CACNA2D1: variants seen among roughly 807,000 people sequenced by gnomAD.
CACNA2D1 encodes the protein calcium voltage-gated channel auxiliary subunit alpha2delta 1, also known as voltage-dependent calcium channel subunit alpha-2/delta-1.
In CACNA2D1, 53 loss-of-function variants were observed where a neutral mutation model predicts 171.5. That is an observed-to-expected ratio of 0.31 (90% CI 0.25 to 0.39). The LOEUF (loss-of-function observed/expected upper bound fraction) is 0.39, where lower values mean the gene tolerates loss of function less well. Among genes scored for constraint, CACNA2D1 ranks in the 10% least tolerant of loss-of-function variants. The pLI, the probability that CACNA2D1 is intolerant of heterozygous loss-of-function variation, is 1.00. For synonymous variants in CACNA2D1, 442 were observed against 443.1 expected, an observed-to-expected ratio of 1.00 and a Z score of 0.03; for missense variants, 903 against 1,299.8, an observed-to-expected ratio of 0.69 and a Z score of 4.69.
At chr7:82,301,381 TC>T (rs1245856271) in intron 3 of CACNA2D1, among the ~76,000 whole-genome samples, 1 of 152,150 alleles carries the variant, frequency 6.6e-6, no homozygotes, top group Non-Finnish European at 1.5e-5. Context: ...TGCCTCAGCC[TC>T]CCAAAGTGCT....
intron 6 of CACNA2D1, among the ~76,000 whole-genome samples, chr7:82,085,103 A>G (rs1270450425): frequency 6.6e-6 from 1 of 152,198 alleles, no homozygotes; most frequent in Non-Finnish European, 1.5e-5. Flanking sequence ...GTATTCATCG[A>G]AAGATGTTTT....
intron 4 of CACNA2D1, among the ~76,000 whole-genome samples, chr7:82,167,360 G>A (rs1289588296): frequency 6.6e-6 from 1 of 151,954 alleles, no homozygotes; most frequent in African/African-American, 2.4e-5. Context: ...CCACGAATTT[G>A]AACTGTATTC....
At chr7:82,010,839 TG>T (rs1476412127) in intron 15 of CACNA2D1, among the ~76,000 whole-genome samples, 1 of 152,184 alleles carries the variant, frequency 6.6e-6, no homozygotes, top group Non-Finnish European at 1.5e-5. Flanking sequence ...TCATTACATT[TG>T]GAAAAGTAGT....
chr7:81,950,126 C>A lies in CACNA2D1; in HGVS notation c.*266G>T. ...CACCAACAATGCAACAACAAACTCC[C>A]AAATTTTCCAATAGAGGACACGTAT... On this transcript the variant is annotated 3_prime_UTR_variant, in exon 39 of 39. Coordinates refer to ENST00000356860, the MANE Select transcript of CACNA2D1 (RefSeq NM_000722.4). The A allele has an allele frequency of 4.1e-6, 2 of 483,410 alleles. No homozygotes were observed. Among genetic ancestry groups the A allele is most frequent in the Admixed American group, 3.6e-5 (1 of 27,944 alleles). The allele number at this position is 483,410 out of a possible 1,614,324, so 29.9% of individuals were successfully genotyped here.
chr7:82,000,850 C>T (rs1325828877), intron 18 of CACNA2D1, among the ~76,000 whole-genome samples: 2 of 123,978 alleles, frequency 1.6e-5, no homozygotes, highest in Non-Finnish European at 3.2e-5. Flanking sequence ...TGGCTGGTCT[C>T]AAACTCCTGA....
In CACNA2D1 at chr7:82,057,161, C is replaced by T. The variant is rs147644630; in HGVS notation, c.879+3267G>A. Reference sequence around the variant, plus strand: ...TTTTTAAAAATGGTTGAAATTTTCACGAAACTTAAAAGCCAGTTAACCTCA... The same window carrying T: ...TTTTTAAAAATGGTTGAAATTTTCATGAAACTTAAAAGCCAGTTAACCTCA... On this transcript the variant is annotated intron_variant, in intron 10 of 38. Transcript: ENST00000356860. 2.8e-3 allele frequency among the ~76,000 whole-genome samples: 425 copies of T among 152,230 alleles called. 3 individuals are homozygous for T. The highest frequency in any genetic ancestry group is 9.7e-3 in the African/African-American group (402 of 41,544).
rs77613879 is a variant in CACNA2D1, at chr7:82,286,005, T to C, written c.294+49130A>G. On this transcript the variant is annotated intron_variant, in intron 3 of 38. Transcript: ENST00000356860. ...TTTCTTGGGCTATCCAATGGCAATATTTGTTGTTCTCCTTTTCCCTTGTCT... is the reference window on the plus strand; with the variant it reads ...TTTCTTGGGCTATCCAATGGCAATACTTGTTGTTCTCCTTTTCCCTTGTCT... Among the ~76,000 whole-genome samples the C allele has an allele frequency of 4.7e-3, 713 of 152,284 alleles. 6 individuals are homozygous for C. The highest frequency in any genetic ancestry group is 0.016 in the African/African-American group (683 of 41,546).
chr7:81,952,120 G>A (rs933007791), intron 38 of CACNA2D1, among the ~76,000 whole-genome samples: 4 of 151,522 alleles, frequency 2.6e-5, no homozygotes, highest in African/African-American at 9.7e-5. Flanking sequence ...TTGGCCATTT[G>A]TATATCATTT....
chr7:82,374,622 G>T (rs753395981), intron 1 of CACNA2D1, among the ~76,000 whole-genome samples: 10 of 152,020 alleles, frequency 6.6e-5, no homozygotes, highest in Non-Finnish European at 1.5e-4. Flanking sequence ...AAATAAAGCC[G>T]AATGAAAGGT....
chr7:82,284,438 T>C (rs777984463), intron 3 of CACNA2D1, among the ~76,000 whole-genome samples: 25 of 152,172 alleles, frequency 1.6e-4, no homozygotes, highest in African/African-American at 6.0e-4. Context: ...TTAATACAGT[T>C]GTCTTAGTCC....
intron 1 of CACNA2D1, among the ~76,000 whole-genome samples, chr7:82,426,154 AATAAATAAATAAATAAATAAATAAATAC>A (rs894405922): frequency 2.9e-4 from 37 of 125,938 alleles, no homozygotes; most frequent in African/African-American, 1.2e-3. Flanking sequence ...TAAATAAATA[AATAAATAAATAAATAAATAAATAAATAC>A]ATAAATTCTA....
intron 3 of CACNA2D1, among the ~76,000 whole-genome samples, chr7:82,309,889 G>A (rs76492099): frequency 0.04 from 6,050 of 152,182 alleles, 164 homozygotes; most frequent in Middle Eastern, 0.085. Context: ...GAAGACATTC[G>A]CAAGGGTACC....
At chr7:82,412,561 G>T (rs1827789682) in intron 1 of CACNA2D1, among the ~76,000 whole-genome samples, 1 of 151,888 alleles carries the variant, frequency 6.6e-6, no homozygotes, top group Non-Finnish European at 1.5e-5. Context: ...GGGATTACAG[G>T]CGTGAGCCAC....
intron 4 of CACNA2D1, among the ~76,000 whole-genome samples, chr7:82,140,189 C>T (rs1293628110): frequency 6.6e-6 from 1 of 151,906 alleles, no homozygotes; most frequent in Admixed American, 6.6e-5. Flanking sequence ...TTATAGAAAA[C>T]AACAAAATGA....
intron 3 of CACNA2D1, among the ~76,000 whole-genome samples, chr7:82,235,660 A>T (rs1332565608): frequency 6.6e-6 from 1 of 152,108 alleles, no homozygotes; most frequent in African/African-American, 2.4e-5. Flanking sequence ...ATTTCATGCC[A>T]TATCTTTCAT....
intron 7 of CACNA2D1, among the ~76,000 whole-genome samples, chr7:82,067,441 G>T (rs1182802986): frequency 6.6e-6 from 1 of 152,122 alleles, no homozygotes; most frequent in South Asian, 2.1e-4. Flanking sequence ...TGAGAGTCAG[G>T]TTTATTAGCC....
At chr7:82,049,126 TA>T (rs10652736) in intron 10 of CACNA2D1, among the ~76,000 whole-genome samples, 7 of 138,994 alleles carry the variant, frequency 5.0e-5, no homozygotes, top group Admixed American at 7.2e-5. Flanking sequence ...TGGCAACTCA[TA>T]AAAAAAAAAA....
chr7:82,274,553 G>A (rs1192138288), intron 3 of CACNA2D1, among the ~76,000 whole-genome samples: 5 of 152,004 alleles, frequency 3.3e-5, no homozygotes, highest in African/African-American at 7.3e-5. Flanking sequence ...TATAGACACC[G>A]CACACTCTAA....
At chr7:82,413,082 T>C (rs180928432) in intron 1 of CACNA2D1, among the ~76,000 whole-genome samples, 1 of 152,296 alleles carries the variant, frequency 6.6e-6, no homozygotes, top group Non-Finnish European at 1.5e-5. Context: ...ATCTATATAT[T>C]ATTTCTATGT....
Sources: allele counts gnomAD v4.1 joint callset (sites outside exome capture counted in the v4.1 genomes callset), GRCh38; gene constraint gnomAD v4.1.1; transcripts MANE v1.5; gene names NCBI Gene and HGNC (gene_info 2026-07-23, HGNC 2026-07-21).